Variants in MBNL1 observed in about 807,000 individuals in gnomAD.
The protein encoded by MBNL1 is muscleblind like splicing regulator 1, also known as muscleblind-like protein 1.
Under a neutral mutation model 42.2 loss-of-function variants are expected in MBNL1, and 8 were observed. That is an observed-to-expected ratio of 0.19 (90% CI 0.11 to 0.34). The LOEUF is 0.34. Ranked by LOEUF, MBNL1 falls within the 10% of genes least tolerant of loss-of-function variation. The pLI is 1.00. For synonymous variants in MBNL1, 169 were observed against 173.9 expected (o/e 0.97, Z 0.22); for missense variants, 309 against 495.3 (o/e 0.62, Z 3.57).
intron 3 of MBNL1, among the ~76,000 whole-genome samples, chr3:152,423,993 G>T (rs1394465035): frequency 6.6e-6 from 1 of 152,178 alleles, no homozygotes; most frequent in African/African-American, 2.4e-5. Context: ...GCAAGAGCTG[G>T]AAGTATTCCC....
At chr3:152,289,055 G>A (rs995698602) in intron 1 of MBNL1, among the ~76,000 whole-genome samples, 1 of 151,880 alleles carries the variant, frequency 6.6e-6, no homozygotes, top group Non-Finnish European at 1.5e-5. Context: ...TTGACTCTTG[G>A]TGGAAGTACA....
chr3:152,450,012 G>A (rs908076641), intron 6 of MBNL1, among the ~76,000 whole-genome samples: 2 of 151,232 alleles, frequency 1.3e-5, no homozygotes, highest in African/African-American at 2.4e-5. Context: ...GGTTGAGGCA[G>A]GAGAATCCCT....
At chr3:152,289,392 T>C (rs1205145864) in intron 1 of MBNL1, among the ~76,000 whole-genome samples, 1 of 152,102 alleles carries the variant, frequency 6.6e-6, no homozygotes, top group African/African-American at 2.4e-5. Flanking sequence ...CCTAGTTAGA[T>C]ATGTGAATTA....
At chr3:152,424,856 A>G (rs1214344734) in intron 3 of MBNL1, among the ~76,000 whole-genome samples, 1 of 152,220 alleles carries the variant, frequency 6.6e-6, no homozygotes, top group African/African-American at 2.4e-5. Flanking sequence ...TGTTGGGAAA[A>G]CTGGCTAGCC....
At chr3:152,382,385 A>AT (rs911907398) in intron 2 of MBNL1, among the ~76,000 whole-genome samples, 4 of 151,976 alleles carry the variant, frequency 2.6e-5, no homozygotes, top group Non-Finnish European at 4.4e-5. Context: ...GTTGCATAAC[A>AT]TTTTTTTTAA....
At chr3:152,318,126 C>A (rs2073453125) in intron 2 of MBNL1, among the ~76,000 whole-genome samples, 1 of 152,094 alleles carries the variant, frequency 6.6e-6, no homozygotes, top group Non-Finnish European at 1.5e-5. Flanking sequence ...GTCAAGCAAG[C>A]AATTTTCCAG....
intron 2 of MBNL1, among the ~76,000 whole-genome samples, chr3:152,385,382 G>A (rs1268157223): frequency 6.6e-6 from 1 of 151,780 alleles, no homozygotes; most frequent in Non-Finnish European, 1.5e-5. Flanking sequence ...TTAGTTCTTT[G>A]ATTTCAAAAA....
chr3:152,280,214 C>T lies in MBNL1; in HGVS notation c.-790+11122C>T, dbSNP rs1254974840. On this transcript the variant is annotated intron_variant, in intron 1 of 9. Transcript: ENST00000324210. ...TTTCCAGTATAGTGATAGAAATATT[C>T]ACAAATAATGGACGGGCAAAACAAA... Among the ~76,000 whole-genome samples the T allele has an allele frequency of 1.3e-5, 2 of 152,018 alleles. 1 individual carries two copies. Among genetic ancestry groups the T allele is most frequent in the Non-Finnish European group, 2.9e-5 (2 of 67,988 alleles).
intron 3 of MBNL1, among the ~76,000 whole-genome samples, chr3:152,416,812 G>A (rs2098709886): frequency 6.6e-6 from 1 of 152,184 alleles, no homozygotes; most frequent in African/African-American, 2.4e-5. Flanking sequence ...TGAAATACTA[G>A]TAACAAATAT....
chr3:152,417,801 G>A (rs2098727788), intron 3 of MBNL1, among the ~76,000 whole-genome samples: 1 of 152,186 alleles, frequency 6.6e-6, no homozygotes. Flanking sequence ...TACAGAGGCT[G>A]CAACATAGAA....
intron 2 of MBNL1, among the ~76,000 whole-genome samples, chr3:152,402,194 G>A (rs2098255299): frequency 1.3e-5 from 2 of 152,070 alleles, no homozygotes; most frequent in Admixed American, 6.5e-5. Context: ...CTGAGTGATG[G>A]GAACCAGGGG....
chr3:152,272,855 A>G (rs1247325134), intron 1 of MBNL1, among the ~76,000 whole-genome samples: 1 of 152,224 alleles, frequency 6.6e-6, no homozygotes, highest in Non-Finnish European at 1.5e-5. Flanking sequence ...TATTTTCATA[A>G]CTGAAGTACA....
chr3:152,386,563 G>A (rs1170210169), intron 2 of MBNL1, among the ~76,000 whole-genome samples: 1 of 152,022 alleles, frequency 6.6e-6, no homozygotes, highest in African/African-American at 2.4e-5. Flanking sequence ...GATGTTCATG[G>A]TCAAGGATTT....
chr3:152,335,640 A>C (rs1247913647), intron 2 of MBNL1, among the ~76,000 whole-genome samples: 1 of 151,672 alleles, frequency 6.6e-6, no homozygotes, highest in Admixed American at 6.6e-5. Flanking sequence ...TTTTCACAAC[A>C]GTAGATTATA....
At chr3:152,312,498 C>G (rs1021787221) in intron 2 of MBNL1, among the ~76,000 whole-genome samples, 4 of 152,108 alleles carry the variant, frequency 2.6e-5, no homozygotes, top group Non-Finnish European at 5.9e-5. Context: ...GGGTAAATCC[C>G]TTAATTCAGT....
chr3:152,259,321 G>T (rs1354271796), intron 2 of MBNL1, among the ~76,000 whole-genome samples: 1 of 152,040 alleles, frequency 6.6e-6, no homozygotes, highest in Non-Finnish European at 1.5e-5. Flanking sequence ...GTAGTAACTT[G>T]AACAGAATCG....
chr3:152,426,165 G>C (rs892581130), intron 3 of MBNL1, among the ~76,000 whole-genome samples: 14 of 145,854 alleles, frequency 9.6e-5, no homozygotes, highest in Non-Finnish European at 1.3e-4. Flanking sequence ...ATGTGGGCAC[G>C]GGGGGGGAAC....
chr3:152,275,529 T>C (rs1301626647), intron 1 of MBNL1, among the ~76,000 whole-genome samples: 1 of 151,780 alleles, frequency 6.6e-6, no homozygotes, highest in Non-Finnish European at 1.5e-5. Flanking sequence ...GCCAACATGG[T>C]GAAACCCCGT....
chr3:152,340,623 G>A (rs2092917198), intron 2 of MBNL1: 4 of 1,613,978 alleles, frequency 2.5e-6, no homozygotes, highest in East Asian at 2.2e-5. Context: ...GCAGGCACCT[G>A]CAACTAAACC....
Sources: allele counts gnomAD v4.1 joint callset (sites outside exome capture counted in the v4.1 genomes callset), GRCh38; gene constraint gnomAD v4.1.1; transcripts MANE v1.5; gene names NCBI Gene and HGNC (gene_info 2026-07-23, HGNC 2026-07-21).